Variants in RANBP2 observed in about 807,000 individuals in gnomAD.
RANBP2 encodes the protein E3 SUMO-protein ligase RanBP2.
In RANBP2, 57 loss-of-function variants were observed where a neutral mutation model predicts 303.6. The observed-to-expected ratio is 0.19, with a 90% CI of 0.15 to 0.23. The LOEUF (loss-of-function observed/expected upper bound fraction) is 0.23. RANBP2 is among the 10% of genes least tolerant of loss of function. RANBP2 has a pLI of 1.00. For synonymous variants in RANBP2, 1,167 were observed against 1,301.5 expected (o/e 0.90, Z 2.23); for missense variants, 3,138 against 3,780.8 (o/e 0.83, Z 4.46).
the RANBP2 span, among the ~76,000 whole-genome samples, chr2:109,093,675 C>T: frequency 3.3e-5 from 5 of 151,970 alleles, no homozygotes; most frequent in Non-Finnish European, 7.4e-5. Context: ...TAGTTAAAAA[C>T]TGATATACAA....
At chr2:109,236,817 G>A in the RANBP2 span, among the ~76,000 whole-genome samples, 2 of 152,180 alleles carry the variant, frequency 1.3e-5, no homozygotes, top group Non-Finnish European at 2.9e-5. Flanking sequence ...CATTTAAGAG[G>A]ACTCTCCTCA....
chr2:109,097,735 GGGTGT>G, the RANBP2 span, among the ~76,000 whole-genome samples: 2 of 40,274 alleles, frequency 5.0e-5, no homozygotes, highest in Admixed American at 8.2e-4. Context: ...GATGTGCTTA[GGGTGT>G]GTGTGTGTGT....
the RANBP2 span, among the ~76,000 whole-genome samples, chr2:109,286,204 C>T: frequency 1.3e-5 from 2 of 152,182 alleles, no homozygotes; most frequent in African/African-American, 4.8e-5. Context: ...AAAGTAAGGG[C>T]CTGGCAAAGG....
chr2:108,786,334 A>G (rs1678705923), downstream of RANBP2, among the ~76,000 whole-genome samples: 1 of 150,774 alleles, frequency 6.6e-6, no homozygotes, highest in South Asian at 2.1e-4. Context: ...GCTCAAAGCA[A>G]TGCTCCCGCC....
chr2:109,362,053 T>C, the RANBP2 span, among the ~76,000 whole-genome samples: 1 of 152,136 alleles, frequency 6.6e-6, no homozygotes, highest in Admixed American at 6.5e-5. Flanking sequence ...GATTTTTCTC[T>C]ATTGTTTTCA....
chr2:109,377,439 G>A, the RANBP2 span, among the ~76,000 whole-genome samples: 1,100 of 152,212 alleles, frequency 7.2e-3, 11 homozygotes, highest in African/African-American at 0.024. Context: ...CCTAGGATCC[G>A]GGGAAGAAGC....
At chr2:109,268,959 T>C in the RANBP2 span, among the ~76,000 whole-genome samples, 1 of 152,310 alleles carries the variant, frequency 6.6e-6, no homozygotes, top group Admixed American at 6.5e-5. Context: ...TTCCGTTTTC[T>C]GGGGGACACA....
chr2:108,890,970 T>C, the RANBP2 span, among the ~76,000 whole-genome samples: 1 of 152,214 alleles, frequency 6.6e-6, no homozygotes, highest in African/African-American at 2.4e-5. Context: ...AAATGTATTA[T>C]ATATTTCCTT....
chr2:109,305,564 G>A, the RANBP2 span, among the ~76,000 whole-genome samples: 3 of 152,154 alleles, frequency 2.0e-5, no homozygotes, highest in Non-Finnish European at 2.9e-5. Flanking sequence ...AGGAAGCTCC[G>A]TACAAGCAGT....
At chr2:109,415,237 T>G in the RANBP2 span, among the ~76,000 whole-genome samples, 1 of 152,244 alleles carries the variant, frequency 6.6e-6, no homozygotes, top group Non-Finnish European at 1.5e-5. Flanking sequence ...TCTGAGTGAT[T>G]GTAAGCCCCT....
the RANBP2 span, among the ~76,000 whole-genome samples, chr2:109,799,201 C>T: frequency 0.013 from 1,287 of 99,970 alleles, no homozygotes; most frequent in Non-Finnish European, 0.019. Context: ...ATCGAGCCAC[C>T]GCACTCCAGC....
the RANBP2 span, among the ~76,000 whole-genome samples, chr2:109,106,653 G>A: frequency 3.3e-5 from 5 of 152,000 alleles, no homozygotes; most frequent in Non-Finnish European, 7.4e-5. Context: ...TGGCTGACAC[G>A]GTGAAACCCC....
chr2:109,246,475 T>G, the RANBP2 span, among the ~76,000 whole-genome samples: 1 of 152,178 alleles, frequency 6.6e-6, no homozygotes, highest in African/African-American at 2.4e-5. Context: ...AGCATTACCT[T>G]GGAGGTTAGG....
chr2:108,836,205 C>A, the RANBP2 span, among the ~76,000 whole-genome samples: 1 of 152,156 alleles, frequency 6.6e-6, no homozygotes, highest in Admixed American at 6.5e-5. Context: ...ATTCAATTTT[C>A]TGCTTCAATG....
At chr2:108,915,412 G>T in the RANBP2 span, among the ~76,000 whole-genome samples, 1 of 152,208 alleles carries the variant, frequency 6.6e-6, no homozygotes, top group Non-Finnish European at 1.5e-5. Context: ...GAAACATTGG[G>T]CTTGGGAGGG....
At chr2:109,459,348 C>T in the RANBP2 span, among the ~76,000 whole-genome samples, 1 of 152,150 alleles carries the variant, frequency 6.6e-6, no homozygotes, top group African/African-American at 2.4e-5. Flanking sequence ...ATTACTTTGT[C>T]TACTATCCAA....
chr2:108,975,987 G>A, the RANBP2 span, among the ~76,000 whole-genome samples: 5 of 152,190 alleles, frequency 3.3e-5, no homozygotes, highest in South Asian at 6.2e-4. Context: ...GAGTGTTCCC[G>A]GGGACCCCAC....
At chr2:109,625,033 ATGGCACCAC>A in the RANBP2 span, among the ~76,000 whole-genome samples, 1 of 144,904 alleles carries the variant, frequency 6.9e-6, no homozygotes, top group African/African-American at 2.5e-5. Context: ...GTGAGTGGAG[ATGGCACCAC>A]TGCACTCCAG....
the RANBP2 span, among the ~76,000 whole-genome samples, chr2:109,272,535 G>A: frequency 6.6e-6 from 1 of 152,218 alleles, no homozygotes; most frequent in African/African-American, 2.4e-5. Flanking sequence ...AGTAGGGTGT[G>A]TTTCTTTTGG....
Sources: allele counts gnomAD v4.1 joint callset (sites outside exome capture counted in the v4.1 genomes callset), GRCh38; gene constraint gnomAD v4.1.1; transcripts MANE v1.5; gene names NCBI Gene and HGNC (gene_info 2026-07-23, HGNC 2026-07-21).